ERAP1: variants seen among roughly 807,000 people sequenced by gnomAD.
ERAP1 encodes adipocyte-derived leucine aminopeptidase.
Under a neutral mutation model 103.7 loss-of-function variants are expected in ERAP1, and 86 were observed. The ratio of observed to expected loss-of-function variants is 0.83; its 90% CI spans 0.70 to 0.99. The LOEUF (loss-of-function observed/expected upper bound fraction) is 0.99, where lower values mean the gene tolerates loss of function less well. Ranked by LOEUF, ERAP1 falls within the 50% of genes least tolerant of loss-of-function variation. The pLI, the probability that ERAP1 is intolerant of heterozygous loss-of-function variation, is 0.00. For missense variants in ERAP1, 1,009 were observed against 1,128.4 expected, an observed-to-expected ratio of 0.89 and a Z score of 1.52; for synonymous variants, 398 against 402.4, an observed-to-expected ratio of 0.99 and a Z score of 0.13.
the ERAP1 span, among the ~76,000 whole-genome samples, chr5:96,867,541 G>A: frequency 6.6e-5 from 10 of 152,222 alleles, no homozygotes; most frequent in South Asian, 2.1e-3. Flanking sequence ...CACTTGTCTG[G>A]TATTGGATGC....
chr5:96,787,638 T>C (rs535870402), intron 11 of ERAP1, among the ~76,000 whole-genome samples: 56 of 152,216 alleles, frequency 3.7e-4, no homozygotes, highest in African/African-American at 1.3e-3. Flanking sequence ...ACCAATTTAC[T>C]GTCAAACAGT....
At chr5:96,785,344 C>A in intron 13 of ERAP1, 1 of 204,424 alleles carries the variant, frequency 4.9e-6, no homozygotes, top group Non-Finnish European at 1.0e-5. Context: ...TTCTTTAACC[C>A]AAGAAATGTA....
At chr5:96,898,477 C>T in the ERAP1 span, among the ~76,000 whole-genome samples, 5 of 150,202 alleles carry the variant, frequency 3.3e-5, no homozygotes, top group African/African-American at 1.2e-4. Context: ...TGCGGTGGCT[C>T]ATGCTTGTAA....
downstream of ERAP1, chr5:96,772,847 T>C (rs1416209590): frequency 6.5e-6 from 1 of 153,154 alleles, no homozygotes; most frequent in East Asian, 1.9e-4. Context: ...AACTTTGAAT[T>C]TTTTTAATTG....
intron 14 of ERAP1, 46 bp from the exon 15 acceptor site, chr5:96,783,281 C>T: frequency 6.4e-7 from 1 of 1,550,724 alleles, no homozygotes; most frequent in Non-Finnish European, 8.8e-7. Context: ...TGTCACAGGT[C>T]ATTTCATGTT....
At chr5:96,770,722 A>G (rs1362792930), downstream of ERAP1, 5 of 671,324 alleles carry the variant, frequency 7.4e-6, no homozygotes, top group South Asian at 1.7e-5. Flanking sequence ...TTAAAGTACT[A>G]TCTATCCCAT....
the ERAP1 span, among the ~76,000 whole-genome samples, chr5:96,871,029 C>T: frequency 6.6e-6 from 1 of 152,202 alleles, no homozygotes. Flanking sequence ...CAGCAGAATA[C>T]TCCAGGAAAA....
At chr5:96,796,042 T>C (rs999506175) in intron 4 of ERAP1, among the ~76,000 whole-genome samples, 11 of 151,980 alleles carry the variant, frequency 7.2e-5, no homozygotes, top group Non-Finnish European at 1.5e-4. Flanking sequence ...AATGGGCGGG[T>C]GTTTTTGCTG....
the ERAP1 span, among the ~76,000 whole-genome samples, chr5:96,884,555 T>TTTG: frequency 6.6e-6 from 1 of 151,156 alleles, no homozygotes; most frequent in Non-Finnish European, 1.5e-5. Context: ...TATACAAGTT[T>TTTG]TTTGTTTGTT....
At chr5:96,880,107 G>T in the ERAP1 span, 34 of 1,614,040 alleles carry the variant, frequency 2.1e-5, no homozygotes, top group Non-Finnish European at 2.7e-5. Flanking sequence ...AAAGTTTTGA[G>T]TTACCCTGCT....
exon 20 of ERAP1, chr5:96,762,263 T>C: frequency 6.3e-7 from 1 of 1,594,062 alleles, no homozygotes; most frequent in African/African-American, 1.4e-5. Context: ...TAAAATTTTT[T>C]TCAATAAAAG....
At chr5:96,811,033 A>G (rs1454833360), upstream of ERAP1, among the ~76,000 whole-genome samples, 1 of 152,142 alleles carries the variant, frequency 6.6e-6, no homozygotes, top group Admixed American at 6.5e-5. Flanking sequence ...CGGCCCTTCC[A>G]CACACATTGT....
At chr5:96,896,266 C>T in the ERAP1 span, 2 of 839,766 alleles carry the variant, frequency 2.4e-6, no homozygotes, top group South Asian at 4.1e-5. Flanking sequence ...CAAGAAATAT[C>T]GATTGAAATC....
At chr5:96,857,839 C>G in the ERAP1 span, among the ~76,000 whole-genome samples, 7,409 of 152,248 alleles carry the variant, frequency 0.049, 223 homozygotes, top group South Asian at 0.11. Context: ...TCAGGCTTTT[C>G]TAACTCTGAC....
chr5:96,911,584 T>G, the ERAP1 span, among the ~76,000 whole-genome samples: 1 of 151,938 alleles, frequency 6.6e-6, no homozygotes, highest in Admixed American at 6.6e-5. Flanking sequence ...CAGACAGGCC[T>G]CAGAAAATGC....
At chr5:96,770,319 T>C, downstream of ERAP1, 2 of 521,594 alleles carry the variant, frequency 3.8e-6, no homozygotes, top group Non-Finnish European at 7.0e-6. Context: ...GTCACCCACA[T>C]TTCCCTCCTT....
chr5:96,925,426 A>C, the ERAP1 span, among the ~76,000 whole-genome samples: 1 of 152,148 alleles, frequency 6.6e-6, no homozygotes, highest in South Asian at 2.1e-4. Flanking sequence ...CTCTCACCTC[A>C]GTCCTGGGCT....
chr5:96,792,031 AC>A, intron 8 of ERAP1, 29 bp downstream of exon 8: 1 of 1,612,928 alleles, frequency 6.2e-7, no homozygotes, highest in Non-Finnish European at 8.5e-7. Flanking sequence ...TAGTATCTAA[AC>A]TGTATCCTTA....
rs745841355 is a variant in ERAP1 at position 96,785,894 on chromosome 5, C to T, written c.1837G>A (p.Glu613Lys). 6.8e-6 allele frequency: 11 copies of T among 1,614,014 alleles called. No homozygotes were observed. The highest frequency in any genetic ancestry group is 4.5e-5 in the East Asian group (2 of 44,888). Reference sequence around the variant, plus strand: ...GTCAAAGAGTCCCATCCATCATCCTCGTAATGCACAATGTAATAGCCATTC... The same window carrying T: ...GTCAAAGAGTCCCATCCATCATCCTTGTAATGCACAATGTAATAGCCATTC... ...GMNGYYIVHY[E>K]DDGWDSLTGL... The change falls in exon 13 of 19, where the codon GAG becomes AAG. Residue 613 changes from glutamate to lysine, a missense_variant. By Grantham distance (56) the Glu-to-Lys change is moderately conservative. Coordinates refer to ENST00000443439, the MANE Select transcript of ERAP1 (RefSeq NM_001040458.3).
Sources: allele counts gnomAD v4.1 joint callset (sites outside exome capture counted in the v4.1 genomes callset), GRCh38; gene constraint gnomAD v4.1.1; transcripts MANE v1.5; gene names NCBI Gene and HGNC (gene_info 2026-07-23, HGNC 2026-07-21).